Variants in MALRD1 observed in about 807,000 individuals in gnomAD.
MALRD1 encodes the protein MAM and LDL-receptor class A domain-containing protein 1.
A neutral mutation model predicts 242.1 loss-of-function variants in MALRD1; 247 were observed. The ratio of observed to expected loss-of-function variants is 1.02; its 90% CI spans 0.92 to 1.13. MALRD1 has a LOEUF of 1.13. Ranked by LOEUF, MALRD1 falls within the 50% of genes most tolerant of loss-of-function variation. The pLI is 0.00. For missense variants in MALRD1, 2,989 were observed against 2,533.1 expected, an observed-to-expected ratio of 1.18 and a Z score of -3.86; for synonymous variants, 995 against 866.6, an observed-to-expected ratio of 1.15 and a Z score of -2.60.
chr10:19,533,083 A>T (rs1834498950), intron 32 of MALRD1, among the ~76,000 whole-genome samples: 1 of 152,154 alleles, frequency 6.6e-6, no homozygotes, highest in Non-Finnish European at 1.5e-5. Flanking sequence ...TTTCCATATA[A>T]TGTAGGCAGA....
rs79956473 is a variant in MALRD1 at position 19,166,660 on chromosome 10, G to A, written c.1830+850G>A. On this transcript the variant is annotated intron_variant, in intron 13 of 39. Coordinates refer to ENST00000454679, the MANE Select transcript of MALRD1 (RefSeq NM_001142308.3). ...TTTATTTGATAGTGACACATTATAT[G>A]CATGTATCAAAATATCACATTTACC... 0.016 allele frequency among the ~76,000 whole-genome samples: 2,417 copies of A among 152,154 alleles called. 103 individuals are homozygous for A. In the East Asian group the frequency reaches 0.18, roughly 11 times the overall value.
chr10:19,159,498 G>T (rs969368322), intron 12 of MALRD1, among the ~76,000 whole-genome samples: 1 of 152,072 alleles, frequency 6.6e-6, no homozygotes, highest in African/African-American at 2.4e-5. Flanking sequence ...TGAGGGTTTG[G>T]AGTAAAATCG....
rs1833216574 is a variant in MALRD1, at chr10:19,133,892, C to T, written c.1147C>T (p.His383Tyr). Residue 383 changes from histidine to tyrosine, a missense_variant, in exon 9 of 40, where the codon CAC becomes TAC. By Grantham distance (83) the His-to-Tyr change is moderately conservative (BLOSUM62 2). Coordinates refer to ENST00000454679, the MANE Select transcript of MALRD1 (RefSeq NM_001142308.3). ...EIFWTYNIST[H>Y]SQWVKADVLI... ...ATTTTGGACATACAACATATCAACT[C>T]ACAGCCAATGGGTGAAAGCAGATGT... The T allele has an allele frequency of 8.1e-7, 1 of 1,230,848 alleles. No homozygotes were observed. Among genetic ancestry groups the T allele is most frequent in the African/African-American group, 1.6e-5 (1 of 64,404 alleles). The allele number at this position is 1,230,848 out of a possible 1,614,324, so 76.2% of individuals were successfully genotyped here.
intron 33 of MALRD1, among the ~76,000 whole-genome samples, chr10:19,580,910 A>G (rs1437544356): frequency 6.6e-6 from 1 of 151,858 alleles, no homozygotes; most frequent in Non-Finnish European, 1.5e-5. Context: ...GCATGCCAGG[A>G]CTCTCTGAGT....
intron 36 of MALRD1, among the ~76,000 whole-genome samples, chr10:19,663,580 T>C (rs2131739093): frequency 6.6e-6 from 1 of 152,140 alleles, no homozygotes; most frequent in South Asian, 2.1e-4. Flanking sequence ...TGGTTCTAGT[T>C]TTAGTTCTTT....
chr10:19,289,977 C>A (rs183148384), intron 21 of MALRD1, among the ~76,000 whole-genome samples: 6,769 of 152,052 alleles, frequency 0.045, 258 homozygotes, highest in African/African-American at 0.11. Context: ...AGAAAAAAAC[C>A]CACAATAATA....
intron 28 of MALRD1, among the ~76,000 whole-genome samples, chr10:19,407,559 CA>C (rs1211635857): frequency 1.3e-5 from 2 of 151,968 alleles, no homozygotes; most frequent in African/African-American, 4.8e-5. Context: ...AAAAGACATA[CA>C]TAGGTATCAC....
chr10:19,391,341 G>A (rs1046893882), intron 28 of MALRD1, among the ~76,000 whole-genome samples: 1 of 151,996 alleles, frequency 6.6e-6, no homozygotes, highest in Non-Finnish European at 1.5e-5. Context: ...GAATATTAGG[G>A]CAATCATTTC....
chr10:19,384,581 T>A (rs185300660), intron 26 of MALRD1, among the ~76,000 whole-genome samples: 1 of 125,160 alleles, frequency 8.0e-6, no homozygotes, highest in African/African-American at 3.1e-5. Context: ...AATATAATAT[T>A]TACTATATAT....
At chr10:19,276,283 T>G (rs1362096842) in intron 19 of MALRD1, among the ~76,000 whole-genome samples, 1 of 129,318 alleles carries the variant, frequency 7.7e-6, no homozygotes, top group Non-Finnish European at 1.6e-5. Flanking sequence ...ATGCATCTTC[T>G]AATGCATTTT....
Position 19,592,917 on chromosome 10 carries a change from C to T in MALRD1, c.5681-2277C>T, listed in dbSNP as rs118019887. 7.3e-3 allele frequency among the ~76,000 whole-genome samples: 1,103 copies of T among 151,008 alleles called. 3 individuals carry two copies. Among genetic ancestry groups the T allele is most frequent in the Non-Finnish European group, 0.012 (801 of 67,864 alleles). On this transcript the variant is annotated intron_variant, in intron 33 of 39. Transcript: ENST00000454679. Reference sequence around the variant, plus strand: ...CATAGATGTATTACTAAAGTTGGTTCTAGATTCTCGTTATATGCAAAGAAT... The same window carrying T: ...CATAGATGTATTACTAAAGTTGGTTTTAGATTCTCGTTATATGCAAAGAAT...
chr10:19,635,793 C>A (rs938142621), intron 36 of MALRD1, among the ~76,000 whole-genome samples: 1 of 151,986 alleles, frequency 6.6e-6, no homozygotes, highest in African/African-American at 2.4e-5. Context: ...CACATGCATG[C>A]AAAACATACA....
At chr10:19,247,562 G>A (rs1326440048) in intron 18 of MALRD1, among the ~76,000 whole-genome samples, 1 of 151,378 alleles carries the variant, frequency 6.6e-6, no homozygotes. Context: ...ACATTATAAT[G>A]TGCACATTAT....
chr10:19,370,205 T>G (rs1165459239), intron 26 of MALRD1, among the ~76,000 whole-genome samples: 1 of 152,142 alleles, frequency 6.6e-6, no homozygotes, highest in Non-Finnish European at 1.5e-5. Flanking sequence ...CTTTCATCAA[T>G]CTGTTTGCCT....
chr10:19,161,166 T>G (rs1588631235), intron 12 of MALRD1, among the ~76,000 whole-genome samples: 1 of 137,344 alleles, frequency 7.3e-6, no homozygotes, highest in African/African-American at 2.7e-5. Context: ...TGGAATACTA[T>G]GCAGCCATAA....
intron 36 of MALRD1, among the ~76,000 whole-genome samples, chr10:19,682,266 C>T (rs1381892771): frequency 1.3e-5 from 2 of 152,022 alleles, no homozygotes; most frequent in Non-Finnish European, 1.5e-5. Context: ...GAGATGGGCA[C>T]ACAATGACAA....
At position 19,431,730 on chromosome 10, in the gene MALRD1, T is replaced by C. The variant is rs375259786; in HGVS notation, c.4846-18577T>C. ...GCATACATTTGTTTTATTTTCTCTCTCATTATTCCCCACCCCTCAGGGAAG... is the reference window on the plus strand; with the variant it reads ...GCATACATTTGTTTTATTTTCTCTCCCATTATTCCCCACCCCTCAGGGAAG... On this transcript the variant is annotated intron_variant, in intron 28 of 39. Coordinates refer to ENST00000454679, the MANE Select transcript of MALRD1 (RefSeq NM_001142308.3). 2.6e-5 allele frequency among the ~76,000 whole-genome samples: 4 copies of C among 152,320 alleles called. No individual in the cohort carries two copies. In the East Asian group the frequency reaches 5.8e-4, roughly 22 times the overall value.
chr10:19,338,060 CAAAA>C (rs34978144), intron 24 of MALRD1, among the ~76,000 whole-genome samples: 1 of 138,028 alleles, frequency 7.2e-6, no homozygotes. Flanking sequence ...GATTCTGTCT[CAAAA>C]AAAAAAAAAA....
At chr10:19,558,086 A>G (rs1025480905) in intron 32 of MALRD1, among the ~76,000 whole-genome samples, 2 of 152,156 alleles carry the variant, frequency 1.3e-5, no homozygotes, top group Middle Eastern at 3.4e-3. Flanking sequence ...CTAAATTTGC[A>G]TATTATTCTT....
Sources: allele counts gnomAD v4.1 joint callset (sites outside exome capture counted in the v4.1 genomes callset), GRCh38; gene constraint gnomAD v4.1.1; transcripts MANE v1.5; gene names NCBI Gene and HGNC (gene_info 2026-07-23, HGNC 2026-07-21).